FAM135B: variants seen among roughly 807,000 people sequenced by gnomAD.
The protein encoded by FAM135B is protein FAM135B.
In FAM135B, 43 loss-of-function variants were observed where a neutral mutation model predicts 127.7. The observed-to-expected ratio is 0.34, with a 90% CI of 0.26 to 0.43. FAM135B has a LOEUF of 0.43. FAM135B is among the 20% of genes least tolerant of loss of function. The probability of loss-of-function intolerance (pLI) is 1.00; values close to 1 mark genes in which losing one functional copy is unlikely to be tolerated. For missense variants in FAM135B, 1,558 were observed against 1,725.6 expected (o/e 0.90, Z 1.72); for synonymous variants, 670 against 665.1 (o/e 1.01, Z -0.11).
intron 7 of FAM135B, among the ~76,000 whole-genome samples, chr8:138,210,203 T>C (rs761328349): frequency 1.4e-4 from 21 of 152,222 alleles, no homozygotes; most frequent in Non-Finnish European, 2.9e-4. Context: ...CGGTTCACTA[T>C]GGTGCCTTAG....
At chr8:138,473,832 G>A (rs889717135) in intron 1 of FAM135B, among the ~76,000 whole-genome samples, 41 of 127,086 alleles carry the variant, frequency 3.2e-4, no homozygotes, top group African/African-American at 1.8e-3. Flanking sequence ...ATGAGAGACA[G>A]AGAGAGAGAG....
intron 3 of FAM135B, among the ~76,000 whole-genome samples, chr8:138,295,068 C>T (rs890383126): frequency 6.7e-6 from 1 of 149,550 alleles, no homozygotes; most frequent in Non-Finnish European, 1.5e-5. Context: ...CTCACACATT[C>T]CTGATTCAAA....
chr8:138,455,777 C>A (rs1049843186), intron 1 of FAM135B, among the ~76,000 whole-genome samples: 1 of 152,164 alleles, frequency 6.6e-6, no homozygotes, highest in Non-Finnish European at 1.5e-5. Context: ...TCCATCACCA[C>A]TATGGTGGTA....
chr8:138,443,209 C>G (rs1026980403), intron 1 of FAM135B, among the ~76,000 whole-genome samples: 4 of 152,086 alleles, frequency 2.6e-5, no homozygotes, highest in African/African-American at 9.7e-5. Context: ...TTTTATCAAT[C>G]CCCCCAAATA....
intron 1 of FAM135B, among the ~76,000 whole-genome samples, chr8:138,410,577 T>C (rs7832258): frequency 0.41 from 61,593 of 151,930 alleles, 13,463 homozygotes; most frequent in African/African-American, 0.58. Flanking sequence ...ACCGAAACCA[T>C]AATGAGATAC....
At position 138,477,983 on chromosome 8, in the gene FAM135B, G is replaced by A. The variant is rs111778548; in HGVS notation, c.-20+18688C>T. On this transcript the variant is annotated intron_variant, in intron 1 of 19. Transcript: ENST00000395297. ...ATCCTGGGAAGCCTGGGTTCTTGAC[G>A]ACTTCCCACAAGTAGCAGCATGAGC... Among the ~76,000 whole-genome samples, 705 of 152,232 alleles carry A rather than the reference G, an allele frequency of 4.6e-3. 1 individual carries two copies. The highest frequency in any genetic ancestry group is 8.0e-3 in the Non-Finnish European group (546 of 68,008).
intron 1 of FAM135B, among the ~76,000 whole-genome samples, chr8:138,447,619 A>C (rs1254971134): frequency 1.3e-5 from 2 of 148,958 alleles, no homozygotes; most frequent in African/African-American, 4.9e-5. Flanking sequence ...ACACTTGTAC[A>C]CAGGAAGGGG....
rs2131137537 is a variant in FAM135B at position 138,197,563 on chromosome 8, A to T, written c.776T>A (p.Phe259Tyr). Residue 259 changes from phenylalanine to tyrosine, a missense_variant, in exon 8 of 20, where the codon TTC becomes TAC. This residue lies in a region of FAM135B where 127 missense variants were observed against 109.7 expected (regional missense o/e 1.16). Transcript: ENST00000395297. The part of the protein sequence containing the change: ...LHAYRGLRLH[F>Y]LVIMRDIPEL... ...TGGGATGTCCCGCATGATCACCAGG[A>T]AGTGGAGACGGAGACCCCGGTAAGC... 6.2e-7 allele frequency: 1 copy of T among 1,613,882 alleles called. No homozygotes were observed.
intron 2 of FAM135B, among the ~76,000 whole-genome samples, chr8:138,365,959 T>G (rs1830705409): frequency 6.6e-6 from 1 of 152,182 alleles, no homozygotes; most frequent in South Asian, 2.1e-4. Flanking sequence ...TTTCCATTTT[T>G]TTTTTCTTTT....
intron 2 of FAM135B, among the ~76,000 whole-genome samples, chr8:138,351,031 G>T (rs1489101183): frequency 1.3e-5 from 2 of 152,082 alleles, no homozygotes; most frequent in Non-Finnish European, 2.9e-5. Context: ...CTTACATTAT[G>T]GGAAACCCCC....
Position 138,411,064 on chromosome 8 carries a change from C to T in FAM135B, c.-19-43062G>A, listed in dbSNP as rs1423958053. On this transcript the variant is annotated intron_variant, in intron 1 of 19. Coordinates refer to ENST00000395297, the MANE Select transcript of FAM135B (RefSeq NM_015912.4). ...TATATCATGAAAATGGCCATACTGC[C>T]GAAGGTAATTTACAGATTCAATGCC... 5.6e-5 allele frequency among the ~76,000 whole-genome samples: 7 copies of T among 125,530 alleles called. 2 individuals are homozygous for T. Among genetic ancestry groups the T allele is most frequent in the Admixed American group, 5.4e-4 (7 of 12,992 alleles). 82.4% of individuals were successfully genotyped at this position (125,530 alleles called of 152,430 possible).
intron 7 of FAM135B, among the ~76,000 whole-genome samples, chr8:138,230,622 C>T (rs1222968789): frequency 6.6e-6 from 1 of 152,150 alleles, no homozygotes; most frequent in Non-Finnish European, 1.5e-5. Flanking sequence ...TGCCCCTGGA[C>T]TCACGTAAGC....
In FAM135B at chr8:138,148,785, C is replaced by G. The variant is rs1031960004; in HGVS notation, c.3282-99G>C. On this transcript the variant is annotated intron_variant, in intron 13 of 19. Coordinates refer to ENST00000395297, the MANE Select transcript of FAM135B (RefSeq NM_015912.4). ...TGTAGAAGGGCTGAGCACCCACAAG[C>G]AAAGTGCCTGCTGAGTGGCAAAGCT... 1.7e-5 allele frequency: 14 copies of G among 846,268 alleles called. No homozygotes were observed. The African/African-American group carries it at 1.9e-4, about 12-fold the overall frequency. 52.4% of individuals were successfully genotyped at this position (846,268 alleles called of 1,614,324 possible). A position where few individuals can be genotyped will look rare whatever the true frequency, so the allele number is the denominator to read the frequency against.
At chr8:138,149,635 T>A (rs1374875758) in intron 13 of FAM135B, among the ~76,000 whole-genome samples, 1 of 152,136 alleles carries the variant, frequency 6.6e-6, no homozygotes, top group Non-Finnish European at 1.5e-5. Context: ...CTTGTTATTA[T>A]CTGTTATTAG....
chr8:138,400,549 T>G (rs1486814242), intron 1 of FAM135B, among the ~76,000 whole-genome samples: 1 of 152,004 alleles, frequency 6.6e-6, no homozygotes, highest in Non-Finnish European at 1.5e-5. Flanking sequence ...AAGAGATGAG[T>G]CAGTGAAAAG....
chr8:138,279,034 A>G (rs1383314971), intron 3 of FAM135B, among the ~76,000 whole-genome samples: 1 of 152,198 alleles, frequency 6.6e-6, no homozygotes, highest in African/African-American at 2.4e-5. Flanking sequence ...ATTATTGATA[A>G]TTCTCAGAAG....
intron 3 of FAM135B, among the ~76,000 whole-genome samples, chr8:138,278,719 C>A (rs151307831): frequency 6.6e-6 from 1 of 151,982 alleles, no homozygotes; most frequent in Admixed American, 6.6e-5. Flanking sequence ...CCCACCACCA[C>A]ACCCAGCTAA....
In FAM135B at chr8:138,243,484, T is replaced by C. The variant is rs1563812335; in HGVS notation, c.543-416A>G. 6.6e-6 allele frequency among the ~76,000 whole-genome samples: 1 copy of C among 152,148 alleles called. No individual in the cohort carries two copies. Among genetic ancestry groups the C allele is most frequent in the Non-Finnish European group, 1.5e-5 (1 of 68,038 alleles). On this transcript the variant is annotated intron_variant, in intron 6 of 19. Coordinates refer to ENST00000395297, the MANE Select transcript of FAM135B (RefSeq NM_015912.4). The surrounding 1 kb of genome is among the most constrained non-coding windows in gnomAD (Gnocchi z 7.5). The stretch of plus-strand genomic sequence containing the variant: ...ACCAACTCCTCCCTCCCTGGACCTC[T>C]TTTCTTCTGTGGAAAAGCATAAAAC...
intron 2 of FAM135B, among the ~76,000 whole-genome samples, chr8:138,321,900 G>C (rs950999073): frequency 6.6e-6 from 1 of 152,102 alleles, no homozygotes; most frequent in Non-Finnish European, 1.5e-5. Flanking sequence ...AAGTGTCCTT[G>C]CTTGCACCTC....
Sources: allele counts gnomAD v4.1 joint callset (sites outside exome capture counted in the v4.1 genomes callset), GRCh38; gene constraint gnomAD v4.1.1; regional missense constraint gnomAD v4.1.1; non-coding constraint Gnocchi (gnomAD v3.1); transcripts MANE v1.5; gene names NCBI Gene and HGNC (gene_info 2026-07-23, HGNC 2026-07-21).